IL1RAPL1: variants seen among roughly 807,000 people sequenced by gnomAD.
IL1RAPL1 encodes interleukin 1 receptor accessory protein like 1.
In IL1RAPL1, 3 loss-of-function variants were observed where a neutral mutation model predicts 48.4. That is an observed-to-expected ratio of 0.06 (90% CI 0.03 to 0.16). The LOEUF (loss-of-function observed/expected upper bound fraction) is 0.16. Ranked by LOEUF, IL1RAPL1 falls within the 10% of genes least tolerant of loss-of-function variation. The probability of loss-of-function intolerance (pLI) is 1.00; values close to 1 mark genes in which losing one functional copy is unlikely to be tolerated. For synonymous variants in IL1RAPL1, 185 were observed against 187.7 expected, an observed-to-expected ratio of 0.99 and a Z score of 0.12; for missense variants, 349 against 530.6, an observed-to-expected ratio of 0.66 and a Z score of 3.36.
At chrX:29,167,163 A>G (rs1165378388) in intron 2 of IL1RAPL1, among the ~76,000 whole-genome samples, 1 of 111,594 alleles carries the variant, frequency 9.0e-6, no homozygotes, top group Non-Finnish European at 1.9e-5. Context: ...AATTCTCAGT[A>G]AGTATTTCCT....
chrX:29,526,140 A>G (rs958465361), intron 5 of IL1RAPL1, among the ~76,000 whole-genome samples: 1 of 112,169 alleles, frequency 8.9e-6, no homozygotes, highest in Non-Finnish European at 1.9e-5. Context: ...GTTATTGTAT[A>G]TATTTGCCTC....
chrX:29,367,599 G>T (rs200367349), intron 3 of IL1RAPL1, among the ~76,000 whole-genome samples: 2 of 89,796 alleles, frequency 2.2e-5, no homozygotes, highest in Middle Eastern at 5.8e-3. Context: ...TTTATTTATT[G>T]AGATGAAGTT....
chrX:29,765,467 T>C (rs1469914922), intron 6 of IL1RAPL1, among the ~76,000 whole-genome samples: 1 of 111,991 alleles, frequency 8.9e-6, no homozygotes, highest in African/African-American at 3.2e-5. Context: ...AATAGTAAAC[T>C]TGAATGCAAA....
chrX:29,258,200 C>T lies in IL1RAPL1; in HGVS notation c.83-24738C>T, dbSNP rs73212147. On this transcript the variant is annotated intron_variant, in intron 2 of 10. Transcript: ENST00000378993. ...CCTAGGGAGAATTTTCTTTGTGCCACGTTGTCGCTTTAAAAAAAAATGCAT... is the reference window on the plus strand; with the variant it reads ...CCTAGGGAGAATTTTCTTTGTGCCATGTTGTCGCTTTAAAAAAAAATGCAT... Among the ~76,000 whole-genome samples the T allele has an allele frequency of 6.4e-3, 713 of 110,682 alleles. 2 individuals carry two copies. Among genetic ancestry groups the T allele is most frequent in the Non-Finnish European group, 7.9e-3 (417 of 52,716 alleles).
At chrX:29,158,467 G>A (rs1302693321) in intron 2 of IL1RAPL1, among the ~76,000 whole-genome samples, 1 of 110,851 alleles carries the variant, frequency 9.0e-6, no homozygotes, top group African/African-American at 3.3e-5. Flanking sequence ...TCTGCCTACC[G>A]GGTTCAAGTG....
chrX:28,704,419 CAA>C (rs1413048157), intron 1 of IL1RAPL1, among the ~76,000 whole-genome samples: 1 of 63,760 alleles, frequency 1.6e-5, no homozygotes, highest in African/African-American at 6.2e-5. Context: ...TTAAAACACA[CAA>C]ACACACACAC....
chrX:29,836,207 T>C (rs1309123719), intron 6 of IL1RAPL1, among the ~76,000 whole-genome samples: 13 of 88,160 alleles, frequency 1.5e-4, no homozygotes, highest in African/African-American at 4.3e-4. Context: ...TTTTTTTTTT[T>C]CTGAGACGGA....
chrX:29,081,412 T>A, intron 2 of IL1RAPL1, among the ~76,000 whole-genome samples: 2 of 109,749 alleles, frequency 1.8e-5, no homozygotes, highest in Admixed American at 2.0e-4. Flanking sequence ...CATGTTGCCC[T>A]GGCTGGCCTC....
intron 2 of IL1RAPL1, among the ~76,000 whole-genome samples, chrX:29,090,891 C>G (rs754075311): frequency 1.8e-5 from 2 of 112,137 alleles, no homozygotes; most frequent in Non-Finnish European, 1.9e-5. Flanking sequence ...TGAGAACTTT[C>G]TCTGCATGGC....
At chrX:28,827,978 G>A (rs1274595242) in intron 2 of IL1RAPL1, among the ~76,000 whole-genome samples, 3 of 111,584 alleles carry the variant, frequency 2.7e-5, no homozygotes, top group East Asian at 2.8e-4. Flanking sequence ...TTTCTGATTT[G>A]TATGTGTCTC....
intron 6 of IL1RAPL1, among the ~76,000 whole-genome samples, chrX:29,886,953 A>C (rs1932180695): frequency 8.9e-6 from 1 of 111,809 alleles, no homozygotes; most frequent in Admixed American, 9.5e-5. Context: ...CCCTTAGTTG[A>C]GCCCTAAGCA....
At chrX:29,689,059 C>T (rs1048323816) in intron 6 of IL1RAPL1, among the ~76,000 whole-genome samples, 2 of 111,254 alleles carry the variant, frequency 1.8e-5, no homozygotes, top group Non-Finnish European at 3.8e-5. Context: ...CAGTTGTTCT[C>T]GTACATTTGT....
intron 3 of IL1RAPL1, among the ~76,000 whole-genome samples, chrX:29,330,121 T>C (rs1272531601): frequency 9.0e-6 from 1 of 111,424 alleles, no homozygotes; most frequent in East Asian, 2.8e-4. Context: ...CCTGTAAATA[T>C]ACTAAAAACA....
At chrX:29,598,187 C>T (rs987231006) in intron 5 of IL1RAPL1, among the ~76,000 whole-genome samples, 6 of 111,699 alleles carry the variant, frequency 5.4e-5, no homozygotes, top group African/African-American at 9.8e-5. Context: ...CTGTTAGCAC[C>T]GCTTTTGCTG....
At chrX:28,723,143 C>G (rs768485711) in intron 1 of IL1RAPL1, among the ~76,000 whole-genome samples, 6 of 111,180 alleles carry the variant, frequency 5.4e-5, no homozygotes, top group South Asian at 7.5e-4. Context: ...TTTTTCTATT[C>G]ATTGGAATAG....
intron 3 of IL1RAPL1, among the ~76,000 whole-genome samples, chrX:29,341,365 G>A (rs757540021): frequency 1.8e-5 from 2 of 112,083 alleles, no homozygotes; most frequent in South Asian, 7.4e-4. Context: ...TATTAAAAGT[G>A]TATGACAAAT....
In IL1RAPL1 at chrX:29,499,965, TTTTTTC is replaced by T. The variant is rs767790768; in HGVS notation, c.703+100675_703+100680del. Among the ~76,000 whole-genome samples the T allele has an allele frequency of 2.2e-4, 24 of 111,000 alleles. No homozygotes were observed. The South Asian group carries it at 6.4e-3, about 30-fold the overall frequency. ...TATGCTAGAAACATTAGAATTCTTCTTTTTTCTTTTTCTTTTTCTTTTTTTTTTGAG... is the reference window on the plus strand; with the variant it reads ...TATGCTAGAAACATTAGAATTCTTCTTTTTTCTTTTTCTTTTTTTTTTGAG... On this transcript the variant is annotated intron_variant, in intron 5 of 10. Coordinates refer to ENST00000378993, the MANE Select transcript of IL1RAPL1 (RefSeq NM_014271.4).
chrX:29,672,152 A>G (rs1318243175), intron 6 of IL1RAPL1, among the ~76,000 whole-genome samples: 1 of 111,872 alleles, frequency 8.9e-6, no homozygotes, highest in Non-Finnish European at 1.9e-5. Flanking sequence ...TTTTGTTATT[A>G]TAAATAATGT....
chrX:29,836,800 ATAT>A (rs1931017829), intron 6 of IL1RAPL1, among the ~76,000 whole-genome samples: 1 of 111,362 alleles, frequency 9.0e-6, no homozygotes, highest in Non-Finnish European at 1.9e-5. Context: ...TAGGTAGATT[ATAT>A]TATTACTCCC....
Sources: gnomAD v4.1 joint callset for allele counts (sites outside exome capture counted in the v4.1 genomes callset) on GRCh38, gnomAD v4.1.1 for gene constraint, MANE v1.5 for transcripts, NCBI Gene and HGNC (gene_info 2026-07-23, HGNC 2026-07-21) for gene names.